The following HDAC4 variants were observed in gnomAD, a reference collection of about 807,000 sequenced individuals.
HDAC4 encodes histone deacetylase A.
HDAC4 carries 16 observed loss-of-function variants against 135.1 expected under a neutral mutation model. The observed-to-expected ratio is 0.12, with a 90% CI of 0.08 to 0.18. The LOEUF (loss-of-function observed/expected upper bound fraction) is 0.18. Ranked by LOEUF, HDAC4 falls within the 10% of genes least tolerant of loss-of-function variation. The pLI is 1.00. For missense variants in HDAC4, 1,143 were observed against 1,511.8 expected, an observed-to-expected ratio of 0.76 and a Z score of 4.05; for synonymous variants, 685 against 653.4, an observed-to-expected ratio of 1.05 and a Z score of -0.74.
intron 2 of HDAC4, among the ~76,000 whole-genome samples, chr2:239,290,975 A>T (rs924003103): frequency 6.6e-6 from 1 of 152,238 alleles, no homozygotes; most frequent in Admixed American, 6.5e-5. Context: ...ATCATGACTA[A>T]TGGAATAAGT....
At chr2:239,378,011 G>A (rs953673440) in intron 1 of HDAC4, among the ~76,000 whole-genome samples, 3 of 152,176 alleles carry the variant, frequency 2.0e-5, no homozygotes, top group Non-Finnish European at 2.9e-5. Flanking sequence ...TATGGCCATT[G>A]TCCTCCAGGG....
chr2:239,282,274 C>T (rs2125390309), intron 2 of HDAC4, among the ~76,000 whole-genome samples: 1 of 142,342 alleles, frequency 7.0e-6, no homozygotes, highest in Admixed American at 6.9e-5. Flanking sequence ...ACAATGTACA[C>T]ACCACTCTAC....
At chr2:239,176,590 G>A (rs1263066431) in intron 4 of HDAC4, 27 bp from the exon 5 acceptor site, 10 of 1,607,288 alleles carry the variant, frequency 6.2e-6, no homozygotes, top group East Asian at 2.2e-5. Context: ...GAGACAGACG[G>A]TCAGAGCCCA....
rs138928274 is a variant in HDAC4, at chr2:239,054,142, C to T, written c.3089-541G>A. ...GCCAGGACTCCCTCACACAGGGAAACGGGGAGCTGAGCTCTGGACTACCCC... is the reference window on the plus strand; with the variant it reads ...GCCAGGACTCCCTCACACAGGGAAATGGGGAGCTGAGCTCTGGACTACCCC... On this transcript the variant is annotated intron_variant, in intron 25 of 26. Transcript: ENST00000543185. Among the ~76,000 whole-genome samples, 91 of 152,192 alleles carry T rather than the reference C, an allele frequency of 6.0e-4. 1 individual carries two copies. The East Asian group carries it at 0.012, about 20-fold the overall frequency.
intron 3 of HDAC4, among the ~76,000 whole-genome samples, chr2:239,234,339 C>T (rs1175472306): frequency 6.6e-6 from 1 of 152,322 alleles, no homozygotes; most frequent in South Asian, 2.1e-4. Context: ...CTCTCTCTGA[C>T]TCAGACCAAT....
chr2:239,295,298 C>A, intron 2 of HDAC4, among the ~76,000 whole-genome samples: 1 of 87,670 alleles, frequency 1.1e-5, no homozygotes. Context: ...CAGAGCAAGA[C>A]TCCGTCTCAA....
rs2031522041 is a variant in HDAC4 at position 239,054,749 on chromosome 2, T to C, written c.3088A>G (p.Ser1030Gly). The C allele has an allele frequency of 1.2e-6, 2 of 1,608,450 alleles. No individual in the cohort carries two copies. Among genetic ancestry groups the C allele is most frequent in the Non-Finnish European group, 8.5e-7 (1 of 1,174,952 alleles). Residue 1030 changes from serine (S) to glycine (G), a missense_variant and splice_region_variant, in exon 25 of 27, where the codon AGC becomes GGC. This residue lies in a region of HDAC4 where 131 missense variants were observed against 130.6 expected (regional missense o/e 1.00). Coordinates refer to ENST00000543185, the MANE Select transcript of HDAC4 (RefSeq NM_001378414.1). ...GTGAGCACCCAGCCAGGCAACTTAC[T>C]GTGGATCTCCATGACTTTCTCCATG... ...RSMEKVMEIH[S>G]KYWRCLQRTT...
rs566319067 is a variant in HDAC4, at chr2:239,050,025, C to G, written c.*3072G>C. 1 of 152,612 alleles carries G rather than the reference C, an allele frequency of 6.6e-6. No homozygotes were observed. The highest frequency in any genetic ancestry group is 2.1e-4 in the South Asian group (1 of 4,830). The allele number at this position is 152,612 out of a possible 1,614,324, so 9.5% of individuals were successfully genotyped here. On this transcript the variant is annotated 3_prime_UTR_variant, in exon 27 of 27. Coordinates refer to ENST00000543185, the MANE Select transcript of HDAC4 (RefSeq NM_001378414.1). ...CCACAGGGAGAACACATGAAGGAAC[C>G]CTCCCTGACGTGGTCCCGCCTGCAG...
At chr2:239,193,166 C>A (rs55746007) in intron 3 of HDAC4, among the ~76,000 whole-genome samples, 4,820 of 152,282 alleles carry the variant, frequency 0.032, 262 homozygotes, top group African/African-American at 0.11. Context: ...CTGCTGTCAC[C>A]CAAGGTCCCA....
rs981488549 is a variant in HDAC4, at chr2:239,307,268, G to A, written c.22+45410C>T. Among the ~76,000 whole-genome samples the A allele has an allele frequency of 6.6e-6, 1 of 152,128 alleles. No homozygotes were observed. The highest frequency in any genetic ancestry group is 1.5e-5 in the Non-Finnish European group (1 of 68,004). On this transcript the variant is annotated intron_variant, in intron 2 of 26. Coordinates refer to ENST00000543185, the MANE Select transcript of HDAC4 (RefSeq NM_001378414.1). The surrounding 1 kb of genome is among the most constrained non-coding windows in gnomAD (Gnocchi z 4.8). ...TCAGATGAGTGGGGGCTGTGCTCAG[G>A]ACCCTCAGGGGACCATGGGCTACTT... is the stretch of plus-strand genomic sequence containing the variant.
chr2:239,248,182 C>T lies in HDAC4; in HGVS notation c.23-11518G>A, dbSNP rs1014774747. Among the ~76,000 whole-genome samples, 14 of 150,134 alleles carry T rather than the reference C, an allele frequency of 9.3e-5. 1 individual carries two copies. The highest frequency in any genetic ancestry group is 8.6e-4 in the Admixed American group (13 of 15,108). ...TGGGTTGAAAGACTTACTCCTCTTG[C>T]ACTTTTTTTTTTTTTTGAGATGGAG... On this transcript the variant is annotated intron_variant, in intron 2 of 26. Transcript: ENST00000543185.
chr2:239,098,076 A>C lies in HDAC4; in HGVS notation c.2234-3020T>G, dbSNP rs148018480. 6.3e-3 allele frequency among the ~76,000 whole-genome samples: 961 copies of C among 152,368 alleles called. 7 individuals are homozygous for C. The highest frequency in any genetic ancestry group is 0.012 in the Admixed American group (188 of 15,306). On this transcript the variant is annotated intron_variant, in intron 16 of 26. Transcript: ENST00000543185. ...CCAACCATGTCTACATTAAAACCACAAGTCATCCGACTGTTTTGAGTTTGC... is the reference window on the plus strand; with the variant it reads ...CCAACCATGTCTACATTAAAACCACCAGTCATCCGACTGTTTTGAGTTTGC...
chr2:239,247,726 G>A (rs1215659415), intron 2 of HDAC4, among the ~76,000 whole-genome samples: 1 of 152,214 alleles, frequency 6.6e-6, no homozygotes, highest in East Asian at 1.9e-4. Context: ...CGAAAAATGA[G>A]TCACTAATTT....
intron 1 of HDAC4, among the ~76,000 whole-genome samples, chr2:239,395,515 A>G (rs2126123661): frequency 6.6e-6 from 1 of 152,344 alleles, no homozygotes; most frequent in South Asian, 2.1e-4. Context: ...TTTCTTTCCA[A>G]TGAAGATATC....
At chr2:239,268,974 G>C (rs2049900676) in intron 2 of HDAC4, among the ~76,000 whole-genome samples, 4 of 152,174 alleles carry the variant, frequency 2.6e-5, no homozygotes, top group Admixed American at 2.6e-4. Flanking sequence ...GAAATCTCAA[G>C]GACCCATCAC....
intron 4 of HDAC4, 83 bp downstream of exon 4, chr2:239,189,750 A>G (rs2044787728): frequency 5.0e-6 from 7 of 1,391,398 alleles, no homozygotes; most frequent in Non-Finnish European, 6.9e-6. Flanking sequence ...GCCCCAGCAC[A>G]CTCCGCGGAG....
chr2:239,386,837 G>C (rs1695841400), intron 1 of HDAC4, among the ~76,000 whole-genome samples: 1 of 152,186 alleles, frequency 6.6e-6, no homozygotes, highest in Non-Finnish European at 1.5e-5. Context: ...AAGAGAAGCT[G>C]GGTGAGAACT....
At chr2:239,294,444 GAGAA>G (rs1301675795) in intron 2 of HDAC4, among the ~76,000 whole-genome samples, 1 of 152,176 alleles carries the variant, frequency 6.6e-6, no homozygotes, top group Non-Finnish European at 1.5e-5. Flanking sequence ...TGAAAAAAAA[GAGAA>G]AGAGACTGCA....
intron 2 of HDAC4, among the ~76,000 whole-genome samples, chr2:239,301,133 ACCCCTCATG>A (rs2052231952): frequency 6.6e-6 from 1 of 152,028 alleles, no homozygotes; most frequent in Admixed American, 6.6e-5. Context: ...CATAGCCAGC[ACCCCTCATG>A]CCCCTCATGG....
Sources: gnomAD v4.1 joint callset for allele counts (sites outside exome capture counted in the v4.1 genomes callset) on GRCh38, gnomAD v4.1.1 for gene constraint, gnomAD v4.1.1 regional missense constraint, Gnocchi (gnomAD v3.1) non-coding constraint, MANE v1.5 for transcripts, NCBI Gene and HGNC (gene_info 2026-07-23, HGNC 2026-07-21) for gene names.